The following CASR variants were observed in gnomAD, a reference collection of about 807,000 sequenced individuals.
CASR encodes the protein calcium sensing receptor.
A neutral mutation model predicts 69.1 loss-of-function variants in CASR; 23 were observed. The observed-to-expected ratio is 0.33, with a 90% CI of 0.24 to 0.47. The LOEUF is 0.47. Among genes scored for constraint, CASR ranks in the 20% least tolerant of loss-of-function variants. The pLI is 1.00. For synonymous variants in CASR, 541 were observed against 544.7 expected (o/e 0.99, Z 0.10); for missense variants, 924 against 1,356.1 (o/e 0.68, Z 5.00).
chr3:122,224,997 G>A (rs1181899891), intron 1 of CASR, among the ~76,000 whole-genome samples: 1 of 152,052 alleles, frequency 6.6e-6, no homozygotes, highest in Non-Finnish European at 1.5e-5. Context: ...AATGGTGCTG[G>A]GTTAACTGGC....
chr3:122,198,232 G>A (rs1576816012), intron 1 of CASR, among the ~76,000 whole-genome samples: 1 of 152,270 alleles, frequency 6.6e-6, no homozygotes, highest in African/African-American at 2.4e-5. Flanking sequence ...CCACCTCTCA[G>A]AATAAATGCT....
At chr3:122,263,472 A>G (rs531217924) in intron 4 of CASR, among the ~76,000 whole-genome samples, 1 of 152,384 alleles carries the variant, frequency 6.6e-6, no homozygotes, top group East Asian at 1.9e-4. Flanking sequence ...TGTGATTATT[A>G]TAGTAGGATT....
intron 4 of CASR, among the ~76,000 whole-genome samples, chr3:122,273,291 C>T (rs2074779593): frequency 6.6e-6 from 1 of 152,220 alleles, no homozygotes; most frequent in Non-Finnish European, 1.5e-5. Flanking sequence ...CCCGTAGCTC[C>T]AGCACTTAGT....
At chr3:122,246,023 A>G (rs1576845812) in intron 1 of CASR, among the ~76,000 whole-genome samples, 2 of 152,222 alleles carry the variant, frequency 1.3e-5, no homozygotes, top group African/African-American at 4.8e-5. Flanking sequence ...ACATAGTTTT[A>G]CAATGATTTG....
At chr3:122,186,030 C>G (rs1553759914) in intron 1 of CASR, among the ~76,000 whole-genome samples, 1 of 151,262 alleles carries the variant, frequency 6.6e-6, no homozygotes, top group Non-Finnish European at 1.5e-5. Flanking sequence ...TATGCTAGAC[C>G]AAAACATAGT....
intron 2 of CASR, among the ~76,000 whole-genome samples, chr3:122,254,770 T>G (rs560946476): frequency 6.6e-6 from 1 of 152,230 alleles, no homozygotes; most frequent in Non-Finnish European, 1.5e-5. Flanking sequence ...TAGTAATACC[T>G]GAGTGCTGGC....
At chr3:122,280,888 CA>C (rs1456511930) in intron 5 of CASR, among the ~76,000 whole-genome samples, 1 of 152,206 alleles carries the variant, frequency 6.6e-6, no homozygotes, top group Non-Finnish European at 1.5e-5. Flanking sequence ...CCTGGGGTTA[CA>C]AAGATGAGTG....
chr3:122,263,806 G>A (rs1363064036), intron 4 of CASR, among the ~76,000 whole-genome samples: 1 of 152,148 alleles, frequency 6.6e-6, no homozygotes, highest in Non-Finnish European at 1.5e-5. Context: ...CCAAGATAGA[G>A]GTGCTGTAAT....
intron 1 of CASR, among the ~76,000 whole-genome samples, chr3:122,227,341 G>A (rs185785190): frequency 9.2e-5 from 14 of 152,330 alleles, no homozygotes; most frequent in African/African-American, 1.4e-4. Flanking sequence ...CAGGCATGGC[G>A]GGCTGCAGGT....
At chr3:122,240,819 T>G (rs2107614575) in intron 1 of CASR, among the ~76,000 whole-genome samples, 1 of 152,042 alleles carries the variant, frequency 6.6e-6, no homozygotes, top group Non-Finnish European at 1.5e-5. Flanking sequence ...AAAATTGAAA[T>G]AATATCAAGC....
intron 2 of CASR, among the ~76,000 whole-genome samples, chr3:122,256,496 T>C (rs1266611832): frequency 6.6e-6 from 1 of 151,276 alleles, no homozygotes; most frequent in East Asian, 1.9e-4. Flanking sequence ...TTTATTTTTA[T>C]TATTGTCATT....
At chr3:122,276,944 A>C (rs2074828440) in intron 5 of CASR, among the ~76,000 whole-genome samples, 2 of 152,188 alleles carry the variant, frequency 1.3e-5, no homozygotes, top group Admixed American at 6.5e-5. Context: ...GATCCTAGAC[A>C]GGGCATCCTC....
At position 122,263,236 on chromosome 3, in the gene CASR, C is replaced by T. The variant is rs1044277020; in HGVS notation, c.1377+824C>T. Among the ~76,000 whole-genome samples, 8 of 152,104 alleles carry T rather than the reference C, an allele frequency of 5.3e-5. No homozygotes were observed. In the East Asian group the frequency reaches 5.8e-4, roughly 11 times the overall value. ...AGAGATTGCATGACAGTGGAGAGGG[C>T]GGGAATTCCTGAATTTGAATGGAAT... On this transcript the variant is annotated intron_variant, in intron 4 of 6. Transcript: ENST00000639785.
chr3:122,238,322 G>T (rs1219255312), intron 1 of CASR, among the ~76,000 whole-genome samples: 1 of 152,208 alleles, frequency 6.6e-6, no homozygotes, highest in African/African-American at 2.4e-5. Flanking sequence ...GAGAAAAGCT[G>T]TGCTGGGCTC....
Position 122,285,264 on chromosome 3 carries a change from C to A in CASR, c.*73C>A. ...GGGTCCCAGGGAAGAGGAATCGCCC[C>A]AGACTCCTTTCCTCTGAGGAAGAAG... On this transcript the variant is annotated 3_prime_UTR_variant, in exon 7 of 7. Coordinates refer to ENST00000639785, the MANE Select transcript of CASR (RefSeq NM_000388.4). The A allele has an allele frequency of 1.5e-6, 2 of 1,357,334 alleles. No individual in the cohort carries two copies. Among genetic ancestry groups the A allele is most frequent in the Non-Finnish European group, 2.1e-6 (2 of 950,404 alleles). 84.1% of individuals were successfully genotyped at this position (1,357,334 alleles called of 1,614,324 possible).
intron 1 of CASR, among the ~76,000 whole-genome samples, chr3:122,239,980 A>T (rs886449774): frequency 1.3e-5 from 2 of 152,242 alleles, no homozygotes; most frequent in Non-Finnish European, 2.9e-5. Context: ...ATTCAAAGGG[A>T]TAATATCAGA....
intron 4 of CASR, among the ~76,000 whole-genome samples, chr3:122,267,078 CT>C (rs2074703816): frequency 6.6e-6 from 1 of 152,164 alleles, no homozygotes; most frequent in African/African-American, 2.4e-5. Flanking sequence ...ACTTATGTTG[CT>C]TTTTTTGTGG....
At chr3:122,197,106 T>A (rs1248566938) in intron 1 of CASR, among the ~76,000 whole-genome samples, 2 of 152,198 alleles carry the variant, frequency 1.3e-5, no homozygotes, top group African/African-American at 4.8e-5. Context: ...GACCAACATC[T>A]CTTTGGACTT....
At chr3:122,190,990 C>T (rs1255823314) in intron 1 of CASR, among the ~76,000 whole-genome samples, 1 of 152,234 alleles carries the variant, frequency 6.6e-6, no homozygotes, top group Non-Finnish European at 1.5e-5. Flanking sequence ...GCTCTCTGCT[C>T]TTCTCAAGAT....
Sources: gnomAD v4.1 joint callset for allele counts (sites outside exome capture counted in the v4.1 genomes callset) on GRCh38, gnomAD v4.1.1 for gene constraint, MANE v1.5 for transcripts, NCBI Gene and HGNC (gene_info 2026-07-23, HGNC 2026-07-21) for gene names.